Variants in CFAP77 observed in about 807,000 individuals in gnomAD.
CFAP77 encodes the protein cilia and flagella associated protein 77.
In CFAP77, 25 loss-of-function variants were observed where a neutral mutation model predicts 31.1. That is an observed-to-expected ratio of 0.80 (90% CI 0.59 to 1.12). The LOEUF is 1.12. Among genes scored for constraint, CFAP77 ranks in the 50% most tolerant of loss-of-function variants. The pLI, the probability that CFAP77 is intolerant of heterozygous loss-of-function variation, is 0.00. For missense variants in CFAP77, 377 were observed against 397.3 expected (o/e 0.95, Z 0.44); for synonymous variants, 151 against 159.9 (o/e 0.94, Z 0.42).
chr9:132,419,299 C>G (rs1191637243), intron 1 of CFAP77, among the ~76,000 whole-genome samples: 1 of 152,086 alleles, frequency 6.6e-6, no homozygotes, highest in Non-Finnish European at 1.5e-5. Flanking sequence ...AGGCTCAGAA[C>G]TCTTTGATTT....
Position 132,410,375 on chromosome 9 carries a change from C to A in CFAP77, c.104C>A (p.Pro35His), listed in dbSNP as rs1357854538. 2 of 1,599,792 alleles carry A rather than the reference C, an allele frequency of 1.3e-6. No individual in the cohort carries two copies. The highest frequency in any genetic ancestry group is 2.3e-5 in the East Asian group (1 of 43,240). ...VSQVCPPPRR[P>H]LTVADIRSGM... Reference sequence around the variant, plus strand: ...CAGGTCTGCCCGCCCCCGCGGCGGCCCCTGACCGTGGCGGACATCCGTTCC... The same window carrying A: ...CAGGTCTGCCCGCCCCCGCGGCGGCACCTGACCGTGGCGGACATCCGTTCC... The change falls in exon 1 of 6, where the codon CCC becomes CAC. Residue 35 changes from proline to histidine, a missense_variant. Physicochemically the swap from Pro to His is moderately conservative, Grantham distance 77. Transcript: ENST00000393216.
At chr9:132,542,899 C>T in intron 4 of CFAP77, 47 bp from the exon 5 acceptor site, 1 of 1,481,388 alleles carries the variant, frequency 6.8e-7, no homozygotes, top group Non-Finnish European at 9.4e-7. Context: ...CGGCCTTCTC[C>T]AAGTAGCCGG....
intron 3 of CFAP77, among the ~76,000 whole-genome samples, chr9:132,525,950 T>C (rs538213577): frequency 2.8e-4 from 43 of 152,340 alleles, no homozygotes; most frequent in Non-Finnish European, 4.7e-4. Flanking sequence ...AATTGGATGT[T>C]CTTCTGATCT....
rs543187983 is a variant in CFAP77 at position 132,565,046 on chromosome 9, G to A, written c.733-7342G>A. Among the ~76,000 whole-genome samples the A allele has an allele frequency of 3.3e-5, 5 of 152,052 alleles. No homozygotes were observed. The South Asian group carries it at 1.0e-3, about 32-fold the overall frequency. ...GTCTCTTCCAAACCTAACTCTCTGGGAATATTTTATTCTGATCCAGTAGCA... is the reference window on the plus strand; with the variant it reads ...GTCTCTTCCAAACCTAACTCTCTGGAAATATTTTATTCTGATCCAGTAGCA... On this transcript the variant is annotated intron_variant, in intron 5 of 5. Coordinates refer to ENST00000393216, the MANE Select transcript of CFAP77 (RefSeq NM_001282957.2). This position sits in a 1 kb window ranked among gnomAD's most constrained non-coding sequence, Gnocchi z 4.1.
chr9:132,487,297 C>T (rs1230753828), intron 1 of CFAP77, among the ~76,000 whole-genome samples: 1 of 152,188 alleles, frequency 6.6e-6, no homozygotes, highest in Non-Finnish European at 1.5e-5. Context: ...TCCGACTCAG[C>T]TCTGAGTGAA....
At chr9:132,434,053 C>T (rs981180941) in intron 1 of CFAP77, among the ~76,000 whole-genome samples, 5 of 151,672 alleles carry the variant, frequency 3.3e-5, no homozygotes, top group South Asian at 4.2e-4. Context: ...ATGGGAGGAT[C>T]GCTTGAGCCA....
chr9:132,531,455 C>T (rs553523429), intron 3 of CFAP77, among the ~76,000 whole-genome samples: 1 of 152,130 alleles, frequency 6.6e-6, no homozygotes, highest in Non-Finnish European at 1.5e-5. Flanking sequence ...TACTGGGACC[C>T]GAAGGCAAAG....
chr9:132,530,107 G>A (rs1852412834), intron 3 of CFAP77, among the ~76,000 whole-genome samples: 1 of 132,176 alleles, frequency 7.6e-6, no homozygotes, highest in Non-Finnish European at 1.6e-5. Flanking sequence ...ATCTCTTCAT[G>A]TCTTTTGCCT....
At chr9:132,419,093 T>C (rs1850163195) in intron 1 of CFAP77, among the ~76,000 whole-genome samples, 1 of 152,158 alleles carries the variant, frequency 6.6e-6, no homozygotes, top group African/African-American at 2.4e-5. Context: ...AAGGTCAACA[T>C]GAGTAGCACA....
intron 1 of CFAP77, among the ~76,000 whole-genome samples, chr9:132,486,029 T>TATACATAC (rs1851540136): frequency 1.2e-4 from 6 of 50,162 alleles, no homozygotes. Context: ...TATATATATA[T>TATACATAC]ATATATATAT....
intron 1 of CFAP77, among the ~76,000 whole-genome samples, chr9:132,469,809 C>T (rs1478155146): frequency 1.3e-5 from 2 of 151,762 alleles, no homozygotes; most frequent in Non-Finnish European, 2.9e-5. Flanking sequence ...ATCTGCAGGC[C>T]TTATTCAGAC....
In CFAP77 at chr9:132,501,358, G is replaced by A. The variant is rs1178580546; in HGVS notation, c.524+1758G>A. On this transcript the variant is annotated intron_variant, in intron 3 of 5. Transcript: ENST00000393216. The surrounding 1 kb of genome is among the most constrained non-coding windows in gnomAD (Gnocchi z 4.6). ...AGGGCGTTGGTGCTACAGACACCTTGAGTTCAAGACTCTTTGGGCCAGCTC... is the reference window on the plus strand; with the variant it reads ...AGGGCGTTGGTGCTACAGACACCTTAAGTTCAAGACTCTTTGGGCCAGCTC... Among the ~76,000 whole-genome samples the A allele has an allele frequency of 6.6e-6, 1 of 151,472 alleles. No homozygotes were observed. The highest frequency in any genetic ancestry group is 1.5e-5 in the Non-Finnish European group (1 of 67,958).
chr9:132,504,087 C>G (rs1159105801), intron 3 of CFAP77, among the ~76,000 whole-genome samples: 2 of 152,164 alleles, frequency 1.3e-5, no homozygotes, highest in African/African-American at 4.8e-5. Flanking sequence ...TTGTGATCAC[C>G]TGGTTCAAAG....
intron 1 of CFAP77, among the ~76,000 whole-genome samples, chr9:132,461,291 G>C (rs2131725873): frequency 6.6e-6 from 1 of 152,346 alleles, no homozygotes; most frequent in East Asian, 1.9e-4. Flanking sequence ...CCCACGCATT[G>C]GACGAGGTGT....
intron 1 of CFAP77, among the ~76,000 whole-genome samples, chr9:132,458,259 G>A (rs891529988): frequency 6.6e-6 from 1 of 151,026 alleles, no homozygotes; most frequent in Non-Finnish European, 1.5e-5. Flanking sequence ...GGCCTGAGAT[G>A]CGCAGAAGTG....
At chr9:132,522,013 C>T (rs1477718993) in intron 3 of CFAP77, among the ~76,000 whole-genome samples, 2 of 152,108 alleles carry the variant, frequency 1.3e-5, no homozygotes, top group South Asian at 4.1e-4. Flanking sequence ...CCACCTGCCT[C>T]GGCCTCCCAA....
intron 1 of CFAP77, among the ~76,000 whole-genome samples, chr9:132,467,849 C>T (rs1227964139): frequency 6.6e-6 from 1 of 152,136 alleles, no homozygotes; most frequent in African/African-American, 2.4e-5. Context: ...CATATCCTTG[C>T]CAGCACTTGT....
Position 132,483,131 on chromosome 9 carries a change from C to T in CFAP77, c.196-15564C>T, listed in dbSNP as rs189851121. Among the ~76,000 whole-genome samples, 210 of 151,848 alleles carry T rather than the reference C, an allele frequency of 1.4e-3. 2 individuals are homozygous for T. Among genetic ancestry groups the T allele is most frequent in the African/African-American group, 1.2e-3 (50 of 41,402 alleles). On this transcript the variant is annotated intron_variant, in intron 1 of 5. Transcript: ENST00000393216. The stretch of plus-strand genomic sequence containing the variant: ...TACTAAAAATAGGAAATTAGCCGGG[C>T]GTGGTGGTGCGTGCCTGTAATCCCA...
At chr9:132,544,011 G>C (rs981279460) in intron 5 of CFAP77, among the ~76,000 whole-genome samples, 1 of 152,156 alleles carries the variant, frequency 6.6e-6, no homozygotes, top group Non-Finnish European at 1.5e-5. Context: ...GCCTGGCCCC[G>C]GGAAGACAGC....
Sources: gnomAD v4.1 joint callset for allele counts (sites outside exome capture counted in the v4.1 genomes callset) on GRCh38, gnomAD v4.1.1 for gene constraint, Gnocchi (gnomAD v3.1) non-coding constraint, MANE v1.5 for transcripts, NCBI Gene and HGNC (gene_info 2026-07-23, HGNC 2026-07-21) for gene names.